PLEKHA6: variants seen among roughly 807,000 people sequenced by gnomAD.
PLEKHA6 encodes the protein pleckstrin homology domain-containing family A member 6.
In PLEKHA6, 60 loss-of-function variants were observed where a neutral mutation model predicts 116.7. The ratio of observed to expected loss-of-function variants is 0.51; its 90% confidence interval spans 0.42 to 0.64. PLEKHA6 has a LOEUF of 0.64. Ranked by LOEUF, PLEKHA6 falls within the 30% of genes least tolerant of loss-of-function variation. The pLI is 0.00. For synonymous variants in PLEKHA6, 489 were observed against 556.1 expected, an observed-to-expected ratio of 0.88 and a Z score of 1.70; for missense variants, 1,338 against 1,422.7, an observed-to-expected ratio of 0.94 and a Z score of 0.96.
chr1:204,280,946 C>G (rs549745760), intron 1 of PLEKHA6: 1 of 925,452 alleles, frequency 1.1e-6, no homozygotes, highest in Non-Finnish European at 1.3e-6. Context: ...CTACCTATTG[C>G]TGCCACATAA....
intron 6 of PLEKHA6, among the ~76,000 whole-genome samples, chr1:204,263,619 G>A (rs866282859): frequency 1.3e-5 from 2 of 152,278 alleles, no homozygotes; most frequent in African/African-American, 4.8e-5. Flanking sequence ...GGTGGAGGGA[G>A]TGTGTCAGTC....
At chr1:204,360,085 C>T (rs1673525217), upstream of PLEKHA6, among the ~76,000 whole-genome samples, 1 of 152,244 alleles carries the variant, frequency 6.6e-6, no homozygotes, top group Non-Finnish European at 1.5e-5. Context: ...TCCACGCAGC[C>T]TGCCTGCCCG....
intron 1 of PLEKHA6, among the ~76,000 whole-genome samples, chr1:204,306,557 C>T (rs1452163084): frequency 6.6e-6 from 1 of 152,232 alleles, no homozygotes; most frequent in Non-Finnish European, 1.5e-5. Context: ...TAGCTTTGAT[C>T]CCTTGGGTTG....
intron 1 of PLEKHA6, among the ~76,000 whole-genome samples, chr1:204,282,376 C>G (rs145453247): frequency 6.6e-5 from 10 of 152,266 alleles, no homozygotes; most frequent in African/African-American, 1.9e-4. Flanking sequence ...ATGAAGACAA[C>G]CAGAGTAGAT....
chr1:204,347,086 T>A, intron 1 of PLEKHA6: 1 of 1,333,738 alleles, frequency 7.5e-7, no homozygotes, highest in South Asian at 1.2e-5. Flanking sequence ...AGTTTTGCCG[T>A]GGTAACGCGT....
intron 3 of PLEKHA6, among the ~76,000 whole-genome samples, chr1:204,364,955 G>A (rs985347501): frequency 5.9e-5 from 9 of 152,118 alleles, no homozygotes; most frequent in African/African-American, 1.7e-4. Context: ...TACCATACAC[G>A]GACACATCCC....
chr1:204,353,019 G>A (rs1319172505), intron 1 of PLEKHA6, among the ~76,000 whole-genome samples: 1 of 152,082 alleles, frequency 6.6e-6, no homozygotes, highest in East Asian at 1.9e-4. Context: ...ATTCATTTTT[G>A]CAACCTAGTA....
At chr1:204,341,042 C>G (rs189401692) in intron 1 of PLEKHA6, among the ~76,000 whole-genome samples, 12 of 152,296 alleles carry the variant, frequency 7.9e-5, no homozygotes, top group Middle Eastern at 6.8e-3. Context: ...GTACAGCACA[C>G]CCGGTGCCTG....
In PLEKHA6 at chr1:204,223,736, C is replaced by T. The variant is rs1659960399; in HGVS notation, c.3032-151G>A. ...AGCTTGGAGCTTGCTCAAGCTAGGC[C>T]AAGCTGTCCTCATTCCCAGGGCGTC... On this transcript the variant is annotated intron_variant, in intron 21 of 22. Transcript: ENST00000272203. This position sits in a 1 kb window ranked among gnomAD's most constrained non-coding sequence, Gnocchi z 4.8. The T allele has an allele frequency of 1.6e-6, 1 of 609,240 alleles. No individual in the cohort carries two copies. The highest frequency in any genetic ancestry group is 1.9e-5 in the African/African-American group (1 of 53,846). The allele number at this position is 609,240 out of a possible 1,614,324, so 37.7% of individuals were successfully genotyped here. A position where few individuals can be genotyped will look rare whatever the true frequency, so the allele number is the denominator to read the frequency against.
In PLEKHA6 at chr1:204,349,539, T is replaced by TTA. The variant is rs1673203411; in HGVS notation, c.-95+10154_-95+10155insTA. Among the ~76,000 whole-genome samples the TTA allele has an allele frequency of 1.8e-4, 8 of 44,606 alleles. No individual in the cohort carries two copies. The East Asian group carries it at 5.3e-3, about 29-fold the overall frequency. 29.3% of individuals were successfully genotyped at this position (44,606 alleles called of 152,430 possible). A position where few individuals can be genotyped will look rare whatever the true frequency, so the allele number is the denominator to read the frequency against. On this transcript the variant is annotated intron_variant, in intron 1 of 22. Transcript: ENST00000272203. Reference sequence around the variant, plus strand: ...CTGGGCAACAGAGCAGGACTCCATCTCAAAAAAAAAAAAAAAAAAAGAATC... The same window carrying TTA: ...CTGGGCAACAGAGCAGGACTCCATCTTACAAAAAAAAAAAAAAAAAAAGAATC...
intron 1 of PLEKHA6, among the ~76,000 whole-genome samples, chr1:204,306,513 C>T (rs1671322825): frequency 6.6e-6 from 1 of 152,236 alleles, no homozygotes; most frequent in East Asian, 1.9e-4. Flanking sequence ...TTCTGAGGCA[C>T]TGAGAAGAAA....
At chr1:204,359,163 C>T (rs1403182980) in intron 1 of PLEKHA6, among the ~76,000 whole-genome samples, 1 of 152,098 alleles carries the variant, frequency 6.6e-6, no homozygotes, top group Non-Finnish European at 1.5e-5. Context: ...TCAGATGCGT[C>T]CTAGGAATTG....
chr1:204,377,679 C>A (rs552683263), upstream of PLEKHA6: 1 of 152,502 alleles, frequency 6.6e-6, no homozygotes, highest in South Asian at 2.1e-4. Flanking sequence ...GGTGTCCCTG[C>A]AGCCCCTCTC....
chr1:204,304,923 A>G (rs990219877), intron 1 of PLEKHA6, among the ~76,000 whole-genome samples: 1 of 152,224 alleles, frequency 6.6e-6, no homozygotes, highest in African/African-American at 2.4e-5. Flanking sequence ...TTGTTATTTT[A>G]TAAAGCAGGT....
At chr1:204,343,234 C>A (rs1167100011) in intron 1 of PLEKHA6, among the ~76,000 whole-genome samples, 3 of 152,310 alleles carry the variant, frequency 2.0e-5, no homozygotes, top group South Asian at 4.1e-4. Context: ...ATGGAACAGA[C>A]AATGTCTAGA....
intron 9 of PLEKHA6, among the ~76,000 whole-genome samples, chr1:204,254,753 G>A (rs937312479): frequency 2.6e-5 from 4 of 152,162 alleles, no homozygotes; most frequent in Non-Finnish European, 1.5e-5. Context: ...TCCAATTATT[G>A]TAGCTGTTGT....
At chr1:204,292,281 C>T (rs926233193) in intron 1 of PLEKHA6, among the ~76,000 whole-genome samples, 3 of 152,250 alleles carry the variant, frequency 2.0e-5, no homozygotes, top group Admixed American at 1.3e-4. Flanking sequence ...ATGAGGTGGG[C>T]AGAAAAGTGT....
chr1:204,251,758 GT>G (rs1664597345), intron 9 of PLEKHA6: 2 of 592,190 alleles, frequency 3.4e-6, no homozygotes, highest in East Asian at 5.8e-5. Flanking sequence ...CTCACCCCTA[GT>G]GACCTCTGTT....
intron 1 of PLEKHA6, among the ~76,000 whole-genome samples, chr1:204,287,249 T>A (rs1298925356): frequency 1.3e-4 from 19 of 149,644 alleles, no homozygotes; most frequent in Non-Finnish European, 2.8e-4. Flanking sequence ...TTTTTTTTTT[T>A]AAATCACGTG....
Sources: gnomAD v4.1 joint callset for allele counts (sites outside exome capture counted in the v4.1 genomes callset) on GRCh38, gnomAD v4.1.1 for gene constraint, Gnocchi (gnomAD v3.1) non-coding constraint, MANE v1.5 for transcripts, NCBI Gene and HGNC (gene_info 2026-07-23, HGNC 2026-07-21) for gene names.